Variants in AIFM1 observed in about 807,000 individuals in gnomAD.
The protein encoded by AIFM1 is apoptosis-inducing factor 1, mitochondrial.
A neutral mutation model predicts 51.7 loss-of-function variants in AIFM1; 3 were observed. The observed-to-expected ratio is 0.06, with a 90% confidence interval of 0.03 to 0.15. The LOEUF (loss-of-function observed/expected upper bound fraction) is 0.15, where lower values mean the gene tolerates loss of function less well. AIFM1 is among the 10% of genes least tolerant of loss of function. AIFM1 has a pLI of 1.00. For synonymous variants in AIFM1, 178 were observed against 179.4 expected (o/e 0.99, Z 0.06); for missense variants, 330 against 476.8 (o/e 0.69, Z 2.87).
chrX:130,141,599 C>T (rs1295291371), intron 6 of AIFM1, among the ~76,000 whole-genome samples: 1 of 111,489 alleles, frequency 9.0e-6, no homozygotes, highest in East Asian at 2.8e-4. Flanking sequence ...TGGCATTCTG[C>T]AAGCTTCTTG....
At chrX:130,140,864 C>A (rs5977211) in intron 6 of AIFM1, among the ~76,000 whole-genome samples, 275 of 112,399 alleles carry the variant, frequency 2.4e-3, no homozygotes, top group African/African-American at 7.9e-3. Context: ...TGCCTGTAAT[C>A]CCAACACTTT....
At chrX:130,136,565 C>T (rs886886323) in intron 11 of AIFM1, 78 bp downstream of exon 11, 13 of 895,555 alleles carry the variant, frequency 1.5e-5, no homozygotes, top group South Asian at 4.0e-5. Flanking sequence ...CTACTGGTGT[C>T]AAATGAAGGA....
chrX:130,155,404 G>A (rs1415988302), intron 2 of AIFM1: 25 of 843,742 alleles, frequency 3.0e-5, no homozygotes, highest in Middle Eastern at 4.5e-4. Flanking sequence ...GCTAAAAAAG[G>A]AAAAAGAAAA....
chrX:130,139,272 C>T (rs995811892), intron 8 of AIFM1, among the ~76,000 whole-genome samples: 1 of 108,439 alleles, frequency 9.2e-6, no homozygotes, highest in African/African-American at 3.4e-5. Context: ...GCGGAGGTTG[C>T]AGTGAGCCAA....
intron 1 of AIFM1, among the ~76,000 whole-genome samples, chrX:130,161,609 C>CTT (rs1224200767): frequency 6.2e-5 from 6 of 96,563 alleles, no homozygotes; most frequent in African/African-American, 1.5e-4. Flanking sequence ...ATTTATCAGC[C>CTT]TTTTTTTTTT....
chrX:130,157,785 T>A (rs1224347785), intron 1 of AIFM1, among the ~76,000 whole-genome samples: 3 of 103,581 alleles, frequency 2.9e-5, no homozygotes, highest in African/African-American at 1.1e-4. Flanking sequence ...GCCAACATGG[T>A]GAAACCCCGT....
intron 13 of AIFM1, among the ~76,000 whole-genome samples, chrX:130,132,557 A>C (rs1390456781): frequency 9.0e-6 from 1 of 111,474 alleles, no homozygotes; most frequent in Non-Finnish European, 1.9e-5. Flanking sequence ...TCTTTTTTTT[A>C]ACTTTTAAAA....
At chrX:130,152,344 C>G (rs1255578209) in intron 2 of AIFM1, among the ~76,000 whole-genome samples, 1 of 110,999 alleles carries the variant, frequency 9.0e-6, no homozygotes, top group Non-Finnish European at 1.9e-5. Context: ...TGAGGTCGAT[C>G]TGTCTGATAT....
chrX:130,135,878 G>GC (rs1416297030), intron 12 of AIFM1, among the ~76,000 whole-genome samples, 167 bp downstream of exon 12: 1 of 111,690 alleles, frequency 9.0e-6, no homozygotes, highest in Non-Finnish European at 1.9e-5. Flanking sequence ...GGCCATACCT[G>GC]GTCTTCTGAA....
At position 130,138,470 on chromosome X, in the gene AIFM1, A is replaced by T. The variant is rs758272982; in HGVS notation, c.967+123T>A. On this transcript the variant is annotated intron_variant, in intron 9 of 15. Coordinates refer to ENST00000287295, the MANE Select transcript of AIFM1 (RefSeq NM_004208.4). ...ACAGAGCGAGACTCCATCTCAAAAA[A>T]AAATAAATAAATAAACCTTAATTAA... 1.3e-3 allele frequency: 746 copies of T among 568,934 alleles called. 1 individual carries two copies. The highest frequency in any genetic ancestry group is 1.7e-3 in the Non-Finnish European group (574 of 339,049). The allele number at this position is 568,934 out of a possible 1,213,427, so 46.9% of individuals were successfully genotyped here.
Position 130,147,716 on chromosome X carries a change from T to C in AIFM1, c.474+36A>G, listed in dbSNP as rs772209922. On this transcript the variant is annotated intron_variant, in intron 4 of 15. Transcript: ENST00000287295. ...ACATTAGCTAAATGCTTGCAGACTG[T>C]ACCCTCTGTGCCAAGCAAAAAAACA... 10 of 1,210,347 alleles carry C rather than the reference T, an allele frequency of 8.3e-6. No individual in the cohort carries two copies. In the East Asian group the frequency reaches 3.0e-4, roughly 36 times the overall value.
chrX:130,132,122 T>C (rs933981981), intron 13 of AIFM1, among the ~76,000 whole-genome samples: 1 of 111,612 alleles, frequency 9.0e-6, no homozygotes, highest in Non-Finnish European at 1.9e-5. Context: ...TCTGCCCGCC[T>C]TGGCCTCCCA....
intron 7 of AIFM1, among the ~76,000 whole-genome samples, 183 bp downstream of exon 7, chrX:130,140,350 T>C (rs775385232): frequency 8.9e-6 from 1 of 112,233 alleles, no homozygotes; most frequent in East Asian, 2.8e-4. Context: ...GCAAGGATCA[T>C]CCAGAAGGGC....
chrX:130,150,237 T>A (rs935373068), intron 2 of AIFM1, among the ~76,000 whole-genome samples: 1 of 110,931 alleles, frequency 9.0e-6, no homozygotes, highest in Non-Finnish European at 1.9e-5. Flanking sequence ...ATCTTCTCTA[T>A]CCTTTCAAAT....
At chrX:130,148,491 A>G (rs1488852102) in intron 3 of AIFM1, among the ~76,000 whole-genome samples, 3 of 111,716 alleles carry the variant, frequency 2.7e-5, no homozygotes, top group Non-Finnish European at 5.6e-5. Context: ...TCGAAACTGC[A>G]AAGACTCAAA....
At chrX:130,160,835 G>A (rs1603231403) in intron 1 of AIFM1, among the ~76,000 whole-genome samples, 1 of 109,425 alleles carries the variant, frequency 9.1e-6, no homozygotes, top group East Asian at 2.9e-4. Context: ...TTGAGACCAC[G>A]AGTTTGAGAC....
At chrX:130,142,555 C>T (rs181517118) in intron 6 of AIFM1, among the ~76,000 whole-genome samples, 4 of 111,931 alleles carry the variant, frequency 3.6e-5, no homozygotes, top group African/African-American at 9.7e-5. Flanking sequence ...GTCCTCTTCA[C>T]GCTTTTATCC....
chrX:130,136,819 G>C (rs954833197), intron 10 of AIFM1, 88 bp from the exon 11 acceptor site: 62 of 1,059,597 alleles, frequency 5.9e-5, no homozygotes, highest in Non-Finnish European at 7.5e-5. Flanking sequence ...TCTCCTCCAC[G>C]GTAAAACCAA....
At chrX:130,136,545 G>T in intron 11 of AIFM1, 98 bp downstream of exon 11, 1 of 780,992 alleles carries the variant, frequency 1.3e-6, no homozygotes, top group Non-Finnish European at 2.0e-6. Context: ...CAACTGCCAG[G>T]AAAACTAATC....
Sources: allele counts gnomAD v4.1 joint callset (sites outside exome capture counted in the v4.1 genomes callset), GRCh38; gene constraint gnomAD v4.1.1; transcripts MANE v1.5; gene names NCBI Gene and HGNC (gene_info 2026-07-23, HGNC 2026-07-21).